PLCB1: variants seen among roughly 807,000 people sequenced by gnomAD.
PLCB1 encodes 1-phosphatidylinositol 4,5-bisphosphate phosphodiesterase beta-1.
Under a neutral mutation model 161.8 loss-of-function variants are expected in PLCB1, and 46 were observed. The ratio of observed to expected loss-of-function variants is 0.28; its 90% CI spans 0.22 to 0.36. The LOEUF is 0.36. Ranked by LOEUF, PLCB1 falls within the 10% of genes least tolerant of loss-of-function variation. The pLI, the probability that PLCB1 is intolerant of heterozygous loss-of-function variation, is 1.00. For missense variants in PLCB1, 1,016 were observed against 1,472.5 expected, an observed-to-expected ratio of 0.69 and a Z score of 5.07; for synonymous variants, 517 against 503.7, an observed-to-expected ratio of 1.03 and a Z score of -0.35.
At chr20:8,654,775 GCTGTGA>G (rs750655826) in intron 7 of PLCB1, among the ~76,000 whole-genome samples, 1 of 151,970 alleles carries the variant, frequency 6.6e-6, no homozygotes, top group Non-Finnish European at 1.5e-5. Context: ...ACTTCACCAA[GCTGTGA>G]GATTGAGAAA....
At position 8,777,668 on chromosome 20, in the gene PLCB1, G is replaced by A. The variant is rs372207213; in HGVS notation, c.3111+2949G>A. Among the ~76,000 whole-genome samples, 45 of 149,994 alleles carry A rather than the reference G, an allele frequency of 3.0e-4. No homozygotes were observed. The East Asian group carries it at 4.3e-3, about 14-fold the overall frequency. On this transcript the variant is annotated intron_variant, in intron 27 of 31. Coordinates refer to ENST00000338037, the MANE Select transcript of PLCB1 (RefSeq NM_015192.4). ...CAGGAGGTGGAGGTTGCAGTGAGCC[G>A]AGATCATGCCATTACACTTCAGCCT...
chr20:8,774,821 C>G, intron 27 of PLCB1, 102 bp downstream of exon 27: 1 of 825,384 alleles, frequency 1.2e-6, no homozygotes, highest in South Asian at 2.1e-5. Context: ...GTGGGTGTGA[C>G]TGGCACCAAC....
chr20:8,540,396 G>A (rs1400027270), intron 3 of PLCB1, among the ~76,000 whole-genome samples: 1 of 152,086 alleles, frequency 6.6e-6, no homozygotes, highest in South Asian at 2.1e-4. Flanking sequence ...AGGTTCACAG[G>A]TGGCTGAAAC....
At chr20:8,702,144 T>G (rs1011777011) in intron 11 of PLCB1, among the ~76,000 whole-genome samples, 1 of 152,226 alleles carries the variant, frequency 6.6e-6, no homozygotes, top group African/African-American at 2.4e-5. Context: ...AGTTACGTTC[T>G]GGGAAAGGAG....
chr20:8,327,235 C>T (rs887802521), intron 2 of PLCB1, among the ~76,000 whole-genome samples: 2 of 152,084 alleles, frequency 1.3e-5, no homozygotes, highest in African/African-American at 4.8e-5. Context: ...TTAATGTGAC[C>T]CTACTCCATT....
chr20:8,627,889 G>A (rs998981058), intron 3 of PLCB1, among the ~76,000 whole-genome samples: 5 of 152,274 alleles, frequency 3.3e-5, no homozygotes, highest in Admixed American at 2.0e-4. Context: ...CTAGTCCTAC[G>A]TAGGCATTGT....
At chr20:8,615,547 G>A (rs1224258232) in intron 3 of PLCB1, among the ~76,000 whole-genome samples, 1 of 152,132 alleles carries the variant, frequency 6.6e-6, no homozygotes, top group African/African-American at 2.4e-5. Flanking sequence ...TATCCAAAAT[G>A]TGTCACCTCT....
In PLCB1 at chr20:8,727,370, C is replaced by T. The variant is rs2123487994; in HGVS notation, c.1740C>T (p.Thr580=). The T allele has an allele frequency of 2.5e-6, 4 of 1,592,826 alleles. No homozygotes were observed. Among genetic ancestry groups the T allele is most frequent in the Non-Finnish European group, 3.4e-6 (4 of 1,161,680 alleles). Residue 580 remains threonine, a synonymous_variant, in exon 17 of 32, where the codon ACC becomes ACT. Coordinates refer to ENST00000338037, the MANE Select transcript of PLCB1 (RefSeq NM_015192.4). ...FVETKGLEQL[T]KSPVEFVEYN... is the part of the protein sequence containing the mutation. ...AAACCAAAGGACTTGAACAACTCAC[C>T]AAGTCTCCAGTGGAATTTGTAGAGT...
chr20:8,537,342 C>G (rs1186697390), intron 3 of PLCB1, among the ~76,000 whole-genome samples: 1 of 152,108 alleles, frequency 6.6e-6, no homozygotes, highest in African/African-American at 2.4e-5. Flanking sequence ...CTCCGAAGGT[C>G]ATATACCAGT....
At chr20:8,793,676 G>T (rs1983879711) in intron 31 of PLCB1, among the ~76,000 whole-genome samples, 2 of 152,166 alleles carry the variant, frequency 1.3e-5, no homozygotes, top group Non-Finnish European at 2.9e-5. Context: ...TGGAGGCAGG[G>T]CGAGATCACA....
rs568066848 is a variant in PLCB1 at position 8,225,099 on chromosome 20, G to A, written c.177+74728G>A. ...ATTCTCTGCTGTCCCCAAGGCAATG[G>A]ATTATTTTCCCCAAACATCCTATCA... is the stretch of plus-strand genomic sequence containing the variant. On this transcript the variant is annotated intron_variant, in intron 2 of 31. Coordinates refer to ENST00000338037, the MANE Select transcript of PLCB1 (RefSeq NM_015192.4). Among the ~76,000 whole-genome samples, 169 of 152,188 alleles carry A rather than the reference G, an allele frequency of 1.1e-3. 1 individual carries two copies. Among genetic ancestry groups the A allele is most frequent in the African/African-American group, 4.0e-3 (165 of 41,522 alleles).
chr20:8,366,540 T>C (rs1986716852), intron 2 of PLCB1, among the ~76,000 whole-genome samples: 1 of 152,212 alleles, frequency 6.6e-6, no homozygotes, highest in Admixed American at 6.5e-5. Context: ...TGTCGAGGGA[T>C]TCACACCAAG....
At chr20:8,538,737 A>G (rs1985152428) in intron 3 of PLCB1, among the ~76,000 whole-genome samples, 1 of 151,968 alleles carries the variant, frequency 6.6e-6, no homozygotes, top group Non-Finnish European at 1.5e-5. Flanking sequence ...CCAGAAAATG[A>G]GACAATAAAT....
At chr20:8,231,008 C>T (rs556853982) in intron 2 of PLCB1, among the ~76,000 whole-genome samples, 99 of 152,176 alleles carry the variant, frequency 6.5e-4, no homozygotes, top group African/African-American at 2.3e-3. Flanking sequence ...ACTATTTTTC[C>T]ATTCCCTTCT....
intron 3 of PLCB1, among the ~76,000 whole-genome samples, chr20:8,578,868 G>C (rs117506465): frequency 0.021 from 3,167 of 152,254 alleles, 40 homozygotes; most frequent in Middle Eastern, 0.085. Flanking sequence ...TAACAAAATG[G>C]ATATTCATAT....
chr20:8,402,466 A>G (rs1310732024), intron 3 of PLCB1, among the ~76,000 whole-genome samples: 1 of 152,022 alleles, frequency 6.6e-6, no homozygotes, highest in Non-Finnish European at 1.5e-5. Flanking sequence ...ATTTCTAACC[A>G]CCTTTTATTA....
intron 3 of PLCB1, among the ~76,000 whole-genome samples, chr20:8,531,465 A>C (rs1409933285): frequency 6.6e-6 from 1 of 152,114 alleles, no homozygotes; most frequent in Non-Finnish European, 1.5e-5. Context: ...TAATATGTAT[A>C]TCTTAGTGTG....
chr20:8,865,791 T>C (rs1441573810), intron 31 of PLCB1, among the ~76,000 whole-genome samples: 1 of 152,136 alleles, frequency 6.6e-6, no homozygotes, highest in Non-Finnish European at 1.5e-5. Context: ...GATTAAAAAG[T>C]GGTAGGGAGG....
chr20:8,653,480 A>G (rs1280537597), intron 7 of PLCB1: 4 of 151,968 alleles, frequency 2.6e-5, no homozygotes, highest in African/African-American at 7.2e-5. Flanking sequence ...CATGTATTCC[A>G]TGGCTAATTC....
Sources: gnomAD v4.1 joint callset for allele counts (sites outside exome capture counted in the v4.1 genomes callset) on GRCh38, gnomAD v4.1.1 for gene constraint, MANE v1.5 for transcripts, NCBI Gene and HGNC (gene_info 2026-07-23, HGNC 2026-07-21) for gene names.